GUCY1A2: variants seen among roughly 807,000 people sequenced by gnomAD.
The protein encoded by GUCY1A2 is guanylate cyclase soluble subunit alpha-2.
Under a neutral mutation model 63.5 loss-of-function variants are expected in GUCY1A2, and 27 were observed. The observed-to-expected ratio is 0.43, with a 90% CI of 0.31 to 0.59. The LOEUF is 0.59. Ranked by LOEUF, GUCY1A2 falls within the 20% of genes least tolerant of loss-of-function variation. GUCY1A2 has a pLI of 0.11. For missense variants in GUCY1A2, 768 were observed against 913.3 expected, an observed-to-expected ratio of 0.84 and a Z score of 2.05; for synonymous variants, 364 against 343.5, an observed-to-expected ratio of 1.06 and a Z score of -0.66.
At chr11:106,957,252 C>A (rs906713409) in intron 3 of GUCY1A2, among the ~76,000 whole-genome samples, 5 of 151,966 alleles carry the variant, frequency 3.3e-5, no homozygotes, top group East Asian at 1.9e-4. Context: ...GCCCCTCCCC[C>A]CAGGAGCTCA....
At chr11:106,889,758 A>G (rs1859949538) in intron 4 of GUCY1A2, among the ~76,000 whole-genome samples, 1 of 152,198 alleles carries the variant, frequency 6.6e-6, no homozygotes, top group Non-Finnish European at 1.5e-5. Flanking sequence ...ATATGGCTTT[A>G]CATACCTGCC....
At chr11:107,011,880 T>C (rs1194140933) in intron 1 of GUCY1A2, among the ~76,000 whole-genome samples, 2 of 151,924 alleles carry the variant, frequency 1.3e-5, no homozygotes, top group African/African-American at 4.8e-5. Flanking sequence ...AGCTATGTAA[T>C]TGTTGCATCT....
intron 1 of GUCY1A2, among the ~76,000 whole-genome samples, chr11:107,009,366 A>G (rs1051332601): frequency 6.6e-6 from 1 of 152,220 alleles, no homozygotes; most frequent in African/African-American, 2.4e-5. Flanking sequence ...AAAATGAACC[A>G]GTAGATGGAG....
chr11:106,694,612 T>C (rs1272366193), intron 7 of GUCY1A2, among the ~76,000 whole-genome samples: 2 of 152,144 alleles, frequency 1.3e-5, no homozygotes, highest in Non-Finnish European at 1.5e-5. Context: ...GTCAAGAAAA[T>C]GGCCCAGTAC....
At chr11:106,780,238 G>A (rs532309382) in intron 5 of GUCY1A2, among the ~76,000 whole-genome samples, 2 of 151,962 alleles carry the variant, frequency 1.3e-5, no homozygotes. Flanking sequence ...TAGGACCAAA[G>A]AGGTAGGGAA....
At chr11:107,015,926 C>T (rs982412118) in intron 1 of GUCY1A2, among the ~76,000 whole-genome samples, 10 of 152,046 alleles carry the variant, frequency 6.6e-5, no homozygotes, top group African/African-American at 1.9e-4. Context: ...ATATCAAATA[C>T]GAAAATACAC....
chr11:106,944,955 C>T (rs1345818645), intron 3 of GUCY1A2, among the ~76,000 whole-genome samples: 2 of 151,870 alleles, frequency 1.3e-5, no homozygotes, highest in Non-Finnish European at 1.5e-5. Flanking sequence ...GGAACAACCT[C>T]TAAAAACACT....
At chr11:106,968,756 C>A (rs1299299672) in intron 3 of GUCY1A2, among the ~76,000 whole-genome samples, 5 of 1,638 alleles carry the variant, frequency 3.1e-3, no homozygotes, top group African/African-American at 0.018. Flanking sequence ...ACCCAACAAT[C>A]TCTCTACCCA....
rs568608481 is a variant in GUCY1A2, at chr11:106,751,553, A to G, written c.1836+24886T>C. ...ACTGATGTGAATAGTACTGTATCAC[A>G]TCCCAGGGTTCTGAGCTATGGTTCT... On this transcript the variant is annotated intron_variant, in intron 6 of 7. Coordinates refer to ENST00000526355, the MANE Select transcript of GUCY1A2 (RefSeq NM_000855.3). Among the ~76,000 whole-genome samples, 8 of 152,338 alleles carry G rather than the reference A, an allele frequency of 5.3e-5. No individual in the cohort carries two copies. In the South Asian group the frequency reaches 1.0e-3, roughly 20 times the overall value.
At chr11:106,816,240 A>G (rs1362228752) in intron 4 of GUCY1A2, among the ~76,000 whole-genome samples, 6 of 151,760 alleles carry the variant, frequency 4.0e-5, no homozygotes, top group Non-Finnish European at 1.5e-5. Context: ...CCATAAAAAA[A>G]CACCAGAATA....
intron 4 of GUCY1A2, among the ~76,000 whole-genome samples, chr11:106,916,812 T>A (rs1332159132): frequency 6.9e-6 from 1 of 145,482 alleles, no homozygotes; most frequent in African/African-American, 2.4e-5. Flanking sequence ...CTCTTTCATA[T>A]GAAAGACAAC....
At chr11:106,795,715 CAGAGTT>C (rs1391838157) in intron 5 of GUCY1A2, among the ~76,000 whole-genome samples, 1 of 152,108 alleles carries the variant, frequency 6.6e-6, no homozygotes, top group Non-Finnish European at 1.5e-5. Context: ...TTTAAGATGA[CAGAGTT>C]AAATTCTCAT....
chr11:106,817,076 C>T (rs1858842008), intron 4 of GUCY1A2, among the ~76,000 whole-genome samples: 2 of 152,006 alleles, frequency 1.3e-5, no homozygotes, highest in Admixed American at 6.6e-5. Flanking sequence ...GGGGAAGGAA[C>T]ATTTAAATGT....
chr11:106,787,261 T>C (rs997909920), intron 5 of GUCY1A2, among the ~76,000 whole-genome samples: 15 of 151,592 alleles, frequency 9.9e-5, no homozygotes, highest in African/African-American at 3.6e-4. Context: ...ATTCTTTCTC[T>C]TTTTTGTACC....
chr11:106,926,651 T>A (rs1344075942), intron 4 of GUCY1A2, among the ~76,000 whole-genome samples: 2 of 151,874 alleles, frequency 1.3e-5, no homozygotes, highest in Admixed American at 1.3e-4. Flanking sequence ...TCCGAACACA[T>A]TTTTTAAATT....
In GUCY1A2 at chr11:106,918,519, A is replaced by G. The variant is rs919963571; in HGVS notation, c.1206+20941T>C. On this transcript the variant is annotated intron_variant, in intron 4 of 7. Coordinates refer to ENST00000526355, the MANE Select transcript of GUCY1A2 (RefSeq NM_000855.3). Reference sequence around the variant, plus strand: ...CTCGCCATGGACATCAGACATACATAAACACACACAAATTCTCTCTTCCAC... The same window carrying G: ...CTCGCCATGGACATCAGACATACATGAACACACACAAATTCTCTCTTCCAC... Among the ~76,000 whole-genome samples, 15 of 145,700 alleles carry G rather than the reference A, an allele frequency of 1.0e-4. 4 individuals are homozygous for G. The highest frequency in any genetic ancestry group is 2.0e-4 in the Non-Finnish European group (13 of 64,856).
chr11:106,978,924 C>A (rs1405687303), intron 2 of GUCY1A2, among the ~76,000 whole-genome samples, 184 bp from the exon 3 acceptor site: 4 of 151,946 alleles, frequency 2.6e-5, no homozygotes, highest in Non-Finnish European at 4.4e-5. Context: ...GCAGTGTAGA[C>A]CTGGAACTGG....
At chr11:106,953,079 G>A (rs966395451) in intron 3 of GUCY1A2, among the ~76,000 whole-genome samples, 2 of 152,168 alleles carry the variant, frequency 1.3e-5, no homozygotes, top group African/African-American at 4.8e-5. Context: ...GAATAGGAGT[G>A]GTGAGAGAGG....
chr11:106,774,364 C>T (rs1864317435), intron 6 of GUCY1A2, among the ~76,000 whole-genome samples: 2 of 152,100 alleles, frequency 1.3e-5, no homozygotes, highest in Non-Finnish European at 2.9e-5. Context: ...AACTCCTGAC[C>T]TTGTGATCCA....
Sources: allele counts gnomAD v4.1 joint callset (sites outside exome capture counted in the v4.1 genomes callset), GRCh38; gene constraint gnomAD v4.1.1; transcripts MANE v1.5; gene names NCBI Gene and HGNC (gene_info 2026-07-23, HGNC 2026-07-21).